The following CSMD1 variants were observed in gnomAD, a reference collection of about 807,000 sequenced individuals.
CSMD1 encodes the protein CUB and Sushi multiple domains 1, also known as CUB and sushi domain-containing protein 1.
A neutral mutation model predicts 417.5 loss-of-function variants in CSMD1; 213 were observed. The ratio of observed to expected loss-of-function variants is 0.51; its 90% CI spans 0.46 to 0.57. The LOEUF is 0.57. Ranked by LOEUF, CSMD1 falls within the 20% of genes least tolerant of loss-of-function variation. CSMD1 has a pLI of 0.00. For missense variants in CSMD1, 6,923 were observed against 4,529.7 expected, an observed-to-expected ratio of 1.53 and a Z score of -15.17; for synonymous variants, 2,862 against 1,736.8, an observed-to-expected ratio of 1.65 and a Z score of -16.11.
chr8:3,922,693 T>G (rs1294127984), intron 5 of CSMD1, among the ~76,000 whole-genome samples: 1 of 152,224 alleles, frequency 6.6e-6, no homozygotes, highest in Non-Finnish European at 1.5e-5. Flanking sequence ...CTGTATTTTA[T>G]GTTGTTGATA....
chr8:3,407,169 G>T (rs1461325386), intron 14 of CSMD1, among the ~76,000 whole-genome samples: 2 of 78,692 alleles, frequency 2.5e-5, no homozygotes, highest in African/African-American at 5.9e-5. Flanking sequence ...ACAGATGGAA[G>T]GATGGATAAT....
At chr8:4,468,643 C>G (rs1800336037) in intron 2 of CSMD1, among the ~76,000 whole-genome samples, 1 of 152,156 alleles carries the variant, frequency 6.6e-6, no homozygotes, top group Non-Finnish European at 1.5e-5. Flanking sequence ...TGGTCCATAT[C>G]CTACTAAACC....
At chr8:3,921,441 G>C (rs183609245) in intron 5 of CSMD1, among the ~76,000 whole-genome samples, 33 of 151,814 alleles carry the variant, frequency 2.2e-4, no homozygotes, top group Non-Finnish European at 1.2e-4. Context: ...TTAACTTTGA[G>C]CTTGGTTTGT....
chr8:3,050,282 G>A (rs1811734514), intron 50 of CSMD1, among the ~76,000 whole-genome samples: 1 of 152,152 alleles, frequency 6.6e-6, no homozygotes, highest in Admixed American at 6.5e-5. Context: ...ACAAGAGGGA[G>A]TAGAATTCCA....
At chr8:3,050,864 C>T (rs1214321507) in intron 50 of CSMD1, among the ~76,000 whole-genome samples, 3 of 152,144 alleles carry the variant, frequency 2.0e-5, no homozygotes, top group African/African-American at 7.2e-5. Flanking sequence ...AGCCAATGAT[C>T]TGACTTTATT....
intron 25 of CSMD1, among the ~76,000 whole-genome samples, chr8:3,288,301 G>C (rs992621578): frequency 2.0e-5 from 3 of 146,952 alleles, no homozygotes; most frequent in Admixed American, 1.3e-4. Context: ...TTGGTATGAG[G>C]ATGATGTTGG....
intron 38 of CSMD1, among the ~76,000 whole-genome samples, chr8:3,161,403 G>C (rs537228266): frequency 6.6e-6 from 1 of 152,186 alleles, no homozygotes; most frequent in South Asian, 2.1e-4. Context: ...GATCACCTGA[G>C]GTCAGGAGTT....
chr8:4,506,239 T>G (rs1464327469), intron 2 of CSMD1, among the ~76,000 whole-genome samples: 1 of 152,126 alleles, frequency 6.6e-6, no homozygotes, highest in African/African-American at 2.4e-5. Flanking sequence ...TTACAGCTAT[T>G]GGAGCACCTC....
intron 18 of CSMD1, among the ~76,000 whole-genome samples, chr8:3,378,605 A>T (rs888502850): frequency 5.3e-5 from 8 of 152,224 alleles, no homozygotes; most frequent in Non-Finnish European, 1.2e-4. Context: ...TATGCAAATC[A>T]ATAAACGTAA....
intron 2 of CSMD1, among the ~76,000 whole-genome samples, chr8:4,567,630 A>T (rs1295464538): frequency 6.6e-6 from 1 of 152,146 alleles, no homozygotes; most frequent in African/African-American, 2.4e-5. Flanking sequence ...TTATGAGATG[A>T]TGCTCCTCCT....
At chr8:3,216,383 T>G (rs1195691204) in intron 29 of CSMD1, among the ~76,000 whole-genome samples, 1 of 152,214 alleles carries the variant, frequency 6.6e-6, no homozygotes, top group Non-Finnish European at 1.5e-5. Context: ...AGCATGGACT[T>G]GTTCACAATA....
intron 12 of CSMD1, among the ~76,000 whole-genome samples, chr8:3,444,687 G>A (rs998549655): frequency 2.0e-5 from 3 of 152,120 alleles, no homozygotes; most frequent in African/African-American, 4.8e-5. Context: ...GCCTGAGGCT[G>A]AGGAGGCTAT....
At chr8:4,100,304 A>C (rs560718659) in intron 3 of CSMD1, among the ~76,000 whole-genome samples, 1 of 152,284 alleles carries the variant, frequency 6.6e-6, no homozygotes, top group African/African-American at 2.4e-5. Context: ...AGTATCTTTT[A>C]CCAAATGAAA....
intron 5 of CSMD1, among the ~76,000 whole-genome samples, chr8:3,934,959 A>G (rs2975401): frequency 0.21 from 31,179 of 152,016 alleles, 3,992 homozygotes; most frequent in Admixed American, 0.3. Flanking sequence ...TATTTACAAA[A>G]AACTAACCAG....
intron 3 of CSMD1, among the ~76,000 whole-genome samples, chr8:4,095,394 T>C (rs10097764): frequency 0.77 from 117,470 of 152,080 alleles, 46,415 homozygotes; most frequent in East Asian, 1. Context: ...AACAAAAAAG[T>C]AAAAAAGAAA....
chr8:3,670,489 G>GTATATATATATCCCA (rs756258873), intron 7 of CSMD1, among the ~76,000 whole-genome samples: 24 of 143,168 alleles, frequency 1.7e-4, no homozygotes, highest in South Asian at 8.8e-4. Flanking sequence ...TATATATCCC[G>GTATATATATATCCCA]TATATATATC....
intron 5 of CSMD1, among the ~76,000 whole-genome samples, chr8:3,912,307 T>A (rs1007624902): frequency 2.6e-5 from 4 of 152,172 alleles, no homozygotes; most frequent in African/African-American, 9.7e-5. Context: ...TATATTTTAG[T>A]GATATTTGAT....
At chr8:4,959,755 C>A (rs1809356127) in intron 1 of CSMD1, among the ~76,000 whole-genome samples, 1 of 152,216 alleles carries the variant, frequency 6.6e-6, no homozygotes, top group Non-Finnish European at 1.5e-5. Flanking sequence ...CAGAAGTCTT[C>A]CTGTACGTGA....
intron 1 of CSMD1, among the ~76,000 whole-genome samples, chr8:4,985,663 A>T (rs1256665435): frequency 6.6e-6 from 1 of 152,240 alleles, no homozygotes; most frequent in Non-Finnish European, 1.5e-5. Flanking sequence ...CAAGATGACT[A>T]TTCTCACCTG....
Sources: allele counts gnomAD v4.1 joint callset (sites outside exome capture counted in the v4.1 genomes callset), GRCh38; gene constraint gnomAD v4.1.1; transcripts MANE v1.5; gene names NCBI Gene and HGNC (gene_info 2026-07-23, HGNC 2026-07-21).